The following MARCHF6 variants were observed in gnomAD, a reference collection of about 807,000 sequenced individuals.
MARCHF6 encodes membrane associated ring-CH-type finger 6.
MARCHF6 carries 31 observed loss-of-function variants against 133.7 expected under a neutral mutation model. That is an observed-to-expected ratio of 0.23 (90% CI 0.17 to 0.31). The LOEUF (loss-of-function observed/expected upper bound fraction) is 0.31. MARCHF6 is among the 10% of genes least tolerant of loss of function. The pLI is 1.00. For synonymous variants in MARCHF6, 395 were observed against 402.5 expected (o/e 0.98, Z 0.22); for missense variants, 723 against 1,121.6 (o/e 0.64, Z 5.08).
At chr5:10,377,460 C>G (rs115743780) in intron 1 of MARCHF6, among the ~76,000 whole-genome samples, 1 of 152,150 alleles carries the variant, frequency 6.6e-6, no homozygotes. Flanking sequence ...ACTGTTAGGA[C>G]GCTAATGGTG....
intron 22 of MARCHF6, chr5:10,422,071 A>G (rs560008527): frequency 6.6e-6 from 1 of 152,340 alleles, no homozygotes; most frequent in African/African-American, 2.4e-5. Context: ...TCACACGCAC[A>G]TACAAACAGC....
rs1238950036 is a variant in MARCHF6, at chr5:10,438,623, T to C, written c.*4939T>C. On this transcript the variant is annotated 3_prime_UTR_variant, in exon 26 of 26. Transcript: ENST00000274140. ...AACGTTCCCCTCCTCCTCCATGTTTTTATTTTGGTGTCTGTTTTGTTTCTA... is the reference window on the plus strand; with the variant it reads ...AACGTTCCCCTCCTCCTCCATGTTTCTATTTTGGTGTCTGTTTTGTTTCTA... 1.3e-5 allele frequency: 2 copies of C among 152,244 alleles called. No homozygotes were observed. Among genetic ancestry groups the C allele is most frequent in the Non-Finnish European group, 2.9e-5 (2 of 68,050 alleles). 9.4% of individuals were successfully genotyped at this position (152,244 alleles called of 1,614,324 possible). A position where few individuals can be genotyped will look rare whatever the true frequency, so the allele number is the denominator to read the frequency against.
chr5:10,392,907 G>A (rs1390106015), intron 7 of MARCHF6, among the ~76,000 whole-genome samples: 2 of 152,048 alleles, frequency 1.3e-5, no homozygotes, highest in African/African-American at 2.4e-5. Flanking sequence ...TTTGTGTCAC[G>A]TACTCTGTTA....
chr5:10,392,587 C>T (rs895514197), intron 7 of MARCHF6, among the ~76,000 whole-genome samples: 1 of 152,104 alleles, frequency 6.6e-6, no homozygotes, highest in Admixed American at 6.5e-5. Context: ...AACCCCATCT[C>T]TCCTAAAAAT....
intron 22 of MARCHF6, among the ~76,000 whole-genome samples, chr5:10,419,720 A>G (rs760963483): frequency 6.6e-6 from 1 of 152,196 alleles, no homozygotes; most frequent in Non-Finnish European, 1.5e-5. Flanking sequence ...GATTATAGCA[A>G]GGATTGTTAA....
chr5:10,358,157 A>G (rs866680685), intron 1 of MARCHF6, among the ~76,000 whole-genome samples: 24 of 152,172 alleles, frequency 1.6e-4, no homozygotes, highest in African/African-American at 5.5e-4. Flanking sequence ...CAGAGGGAAC[A>G]TAGCCTATGT....
Position 10,403,349 on chromosome 5 carries a change from G to A in MARCHF6, c.1198-58G>A, listed in dbSNP as rs536660251. The A allele has an allele frequency of 2.0e-5, 30 of 1,535,324 alleles. No homozygotes were observed. In the African/African-American group the frequency reaches 3.5e-4, roughly 18 times the overall value. ...TATTTATTTCCTAGAAGATGAAAATGTTAACTTGGCAAATGTAGGGGGCAC... is the reference window on the plus strand; with the variant it reads ...TATTTATTTCCTAGAAGATGAAAATATTAACTTGGCAAATGTAGGGGGCAC... On this transcript the variant is annotated intron_variant, in intron 14 of 25. Coordinates refer to ENST00000274140, the MANE Select transcript of MARCHF6 (RefSeq NM_005885.4).
chr5:10,355,647 G>A (rs1316672275), intron 1 of MARCHF6, among the ~76,000 whole-genome samples: 1 of 152,196 alleles, frequency 6.6e-6, no homozygotes, highest in African/African-American at 2.4e-5. Flanking sequence ...AAGACTCAAC[G>A]TGTAGTATGT....
intron 21 of MARCHF6, among the ~76,000 whole-genome samples, chr5:10,415,892 G>A (rs1739475549): frequency 6.6e-6 from 1 of 152,208 alleles, no homozygotes; most frequent in Admixed American, 6.5e-5. Flanking sequence ...AGAAAAACAG[G>A]TTGGGCACAA....
At chr5:10,419,003 A>G (rs1385077490) in intron 22 of MARCHF6, among the ~76,000 whole-genome samples, 3 of 152,216 alleles carry the variant, frequency 2.0e-5, no homozygotes, top group Admixed American at 1.3e-4. Context: ...AGGAAGAAGT[A>G]TATTCCAGGA....
intron 19 of MARCHF6, among the ~76,000 whole-genome samples, chr5:10,413,989 T>A (rs908559693): frequency 6.6e-6 from 1 of 152,232 alleles, no homozygotes; most frequent in African/African-American, 2.4e-5. Flanking sequence ...TCATTTACAC[T>A]AACCACATAT....
At chr5:10,380,984 G>T (rs1050854772) in intron 3 of MARCHF6, among the ~76,000 whole-genome samples, 5 of 151,174 alleles carry the variant, frequency 3.3e-5, no homozygotes, top group Non-Finnish European at 7.4e-5. Flanking sequence ...GTTTATAGGT[G>T]TGAACAGTTT....
chr5:10,413,870 G>A (rs1739362112), intron 19 of MARCHF6, among the ~76,000 whole-genome samples: 2 of 152,182 alleles, frequency 1.3e-5, no homozygotes, highest in African/African-American at 2.4e-5. Flanking sequence ...TGAGATTTGA[G>A]TGGGGACACA....
chr5:10,356,926 G>T (rs537180890), intron 1 of MARCHF6, among the ~76,000 whole-genome samples: 3 of 152,264 alleles, frequency 2.0e-5, no homozygotes, highest in African/African-American at 7.2e-5. Context: ...AGATTTTAAA[G>T]ATCTCTAAAG....
intron 19 of MARCHF6, among the ~76,000 whole-genome samples, chr5:10,413,648 C>T (rs1227616860): frequency 2.0e-5 from 3 of 152,218 alleles, no homozygotes; most frequent in African/African-American, 7.2e-5. Context: ...GGAGGCCTCA[C>T]AATCATGGTG....
At chr5:10,392,876 A>C (rs1466318860) in intron 7 of MARCHF6, among the ~76,000 whole-genome samples, 3 of 152,096 alleles carry the variant, frequency 2.0e-5, no homozygotes, top group Non-Finnish European at 4.4e-5. Flanking sequence ...TCTACTTGGC[A>C]GCCTGATATT....
intron 24 of MARCHF6, among the ~76,000 whole-genome samples, chr5:10,427,663 G>GT (rs1379608581): frequency 1.6e-4 from 24 of 152,236 alleles, no homozygotes; most frequent in African/African-American, 5.5e-4. Context: ...AGTGTAACAT[G>GT]TATACTTGTA....
At position 10,436,355 on chromosome 5, in the gene MARCHF6, A is replaced by G. The variant is rs1383544837; in HGVS notation, c.*2671A>G. 1 of 152,194 alleles carries G rather than the reference A, an allele frequency of 6.6e-6. No homozygotes were observed. Among genetic ancestry groups the G allele is most frequent in the African/African-American group, 2.4e-5 (1 of 41,454 alleles). 9.4% of individuals were successfully genotyped at this position (152,194 alleles called of 1,614,324 possible). A position where few individuals can be genotyped will look rare whatever the true frequency, so the allele number is the denominator to read the frequency against. ...ATGAGATAAGTATTTTCATAGGGAA[A>G]GCATTTTCCAGCATAATATTTGCTT... On this transcript the variant is annotated 3_prime_UTR_variant, in exon 26 of 26. Transcript: ENST00000274140.
chr5:10,410,176 C>T lies in MARCHF6; in HGVS notation c.1591C>T (p.Leu531=). Residue 531 remains leucine, a synonymous_variant, in exon 18 of 26, where the codon CTG becomes TTG. Coordinates refer to ENST00000274140, the MANE Select transcript of MARCHF6 (RefSeq NM_005885.4). ...GAGTGAACTGTCCCTCGAGCTGCTT[C>T]TGCTTCAGGTTGTCTTGCCAGCATT... ...PVSELSLELL[L]LQVVLPALLE... is the part of the protein sequence containing the mutation. The T allele has an allele frequency of 6.2e-7, 1 of 1,614,108 alleles. No individual in the cohort carries two copies. Among genetic ancestry groups the T allele is most frequent in the Middle Eastern group, 1.7e-4 (1 of 5,988 alleles).
Sources: allele counts gnomAD v4.1 joint callset (sites outside exome capture counted in the v4.1 genomes callset), GRCh38; gene constraint gnomAD v4.1.1; transcripts MANE v1.5; gene names NCBI Gene and HGNC (gene_info 2026-07-23, HGNC 2026-07-21).